PDE1C: variants seen among roughly 807,000 people sequenced by gnomAD.
PDE1C encodes the protein dual specificity calcium/calmodulin-dependent 3',5'-cyclic nucleotide phosphodiesterase 1C.
PDE1C carries 62 observed loss-of-function variants against 93.1 expected under a neutral mutation model. That is an observed-to-expected ratio of 0.67 (90% CI 0.54 to 0.82). PDE1C has a LOEUF of 0.82. PDE1C is among the 40% of genes least tolerant of loss of function. The probability of loss-of-function intolerance (pLI) is 0.00; values close to 1 mark genes in which losing one functional copy is unlikely to be tolerated. For missense variants in PDE1C, 742 were observed against 884.6 expected (o/e 0.84, Z 2.04); for synonymous variants, 325 against 310.1 (o/e 1.05, Z -0.50).
rs145662874 is a variant in PDE1C at position 31,957,754 on chromosome 7, C to T, written c.129-76894G>A. On this transcript the variant is annotated intron_variant, in intron 2 of 17. Transcript: ENST00000396191. Reference sequence around the variant, plus strand: ...CTCAGCAATTTCTTTCCAGATGTGGCGTTGGTATTGCTGGGTGGAATGGGG... The same window carrying T: ...CTCAGCAATTTCTTTCCAGATGTGGTGTTGGTATTGCTGGGTGGAATGGGG... 9.9e-5 allele frequency among the ~76,000 whole-genome samples: 15 copies of T among 152,154 alleles called. No homozygotes were observed. The East Asian group carries it at 2.7e-3, about 27-fold the overall frequency.
At chr7:32,038,904 A>G (rs556990606) in intron 2 of PDE1C, among the ~76,000 whole-genome samples, 2 of 152,318 alleles carry the variant, frequency 1.3e-5, no homozygotes, top group Admixed American at 6.5e-5. Context: ...TCAGAATCTC[A>G]TCTGTCAGAT....
At chr7:31,699,992 G>A in the PDE1C span, among the ~76,000 whole-genome samples, 2 of 151,918 alleles carry the variant, frequency 1.3e-5, no homozygotes, top group African/African-American at 2.4e-5. Flanking sequence ...CCTATTCCAC[G>A]AGACACAAAG....
At chr7:31,654,573 C>A in the PDE1C span, among the ~76,000 whole-genome samples, 1 of 152,146 alleles carries the variant, frequency 6.6e-6, no homozygotes, top group Admixed American at 6.5e-5. Flanking sequence ...CTGTTGCTGT[C>A]ATCCCCAAGG....
At chr7:31,846,233 C>CTTTTTTTTTT (rs371624212) in intron 9 of PDE1C, among the ~76,000 whole-genome samples, 42 of 129,910 alleles carry the variant, frequency 3.2e-4, no homozygotes, top group Non-Finnish European at 4.6e-4. Flanking sequence ...CTTTTTTTTT[C>CTTTTTTTTTT]TTTTTTTTTT....
At chr7:32,103,427 C>T (rs1007821510) in intron 3 of PDE1C, among the ~76,000 whole-genome samples, 6 of 152,116 alleles carry the variant, frequency 3.9e-5, no homozygotes, top group Admixed American at 3.9e-4. Flanking sequence ...TTCCTATCCC[C>T]GTGATGCTGG....
At chr7:32,009,179 T>A (rs1288669133) in intron 2 of PDE1C, among the ~76,000 whole-genome samples, 1 of 152,170 alleles carries the variant, frequency 6.6e-6, no homozygotes, top group African/African-American at 2.4e-5. Context: ...ATTGGAGATA[T>A]GCGAAACAAA....
chr7:31,695,459 T>C, the PDE1C span: 1 of 1,591,746 alleles, frequency 6.3e-7, no homozygotes, highest in African/African-American at 1.4e-5. Context: ...TTGTATCCTG[T>C]CAAAATTAGA....
chr7:32,165,099 T>C (rs917006172), intron 3 of PDE1C, among the ~76,000 whole-genome samples: 3 of 152,222 alleles, frequency 2.0e-5, no homozygotes, highest in African/African-American at 7.2e-5. Flanking sequence ...AAACAGACCT[T>C]TCATGCCACA....
intron 1 of PDE1C, among the ~76,000 whole-genome samples, chr7:32,057,878 T>A (rs1234894655): frequency 6.6e-6 from 1 of 152,218 alleles, no homozygotes; most frequent in Non-Finnish European, 1.5e-5. Flanking sequence ...TTGTTTCTAA[T>A]AGCCTGGATA....
At chr7:31,696,960 T>A in the PDE1C span, 1 of 1,613,916 alleles carries the variant, frequency 6.2e-7, no homozygotes, top group Non-Finnish European at 8.5e-7. Flanking sequence ...CCCCTAACCA[T>A]GCAGGTGTGT....
chr7:32,067,412 A>G (rs1211483637), intron 1 of PDE1C, among the ~76,000 whole-genome samples: 2 of 152,210 alleles, frequency 1.3e-5, no homozygotes, highest in Admixed American at 6.5e-5. Context: ...TAAACTATAC[A>G]GCATTCGGAT....
At chr7:31,638,690 G>C in the PDE1C span, among the ~76,000 whole-genome samples, 1 of 151,994 alleles carries the variant, frequency 6.6e-6, no homozygotes, top group Non-Finnish European at 1.5e-5. Flanking sequence ...TTGTTAACTC[G>C]ATATGTAATG....
At chr7:31,640,752 T>G in the PDE1C span, among the ~76,000 whole-genome samples, 2,531 of 152,264 alleles carry the variant, frequency 0.017, 24 homozygotes, top group Non-Finnish European at 0.029. Flanking sequence ...CTCATTTAGA[T>G]CTATGACTTG....
intron 3 of PDE1C, among the ~76,000 whole-genome samples, chr7:32,089,367 A>G (rs566863975): frequency 1.0e-3 from 157 of 152,282 alleles, no homozygotes; most frequent in Non-Finnish European, 1.7e-3. Flanking sequence ...GGGGCCTCTC[A>G]GAAGTAGGTA....
At chr7:31,830,715 G>C (rs541070388) in intron 11 of PDE1C, among the ~76,000 whole-genome samples, 21 of 151,992 alleles carry the variant, frequency 1.4e-4, no homozygotes, top group Non-Finnish European at 3.1e-4. Flanking sequence ...CTCAATAACA[G>C]AACGAGAGAA....
chr7:31,636,479 C>A, the PDE1C span, among the ~76,000 whole-genome samples: 3 of 152,138 alleles, frequency 2.0e-5, no homozygotes, highest in African/African-American at 7.2e-5. Flanking sequence ...GTTTGTTGTA[C>A]AAGTCTTGCA....
chr7:31,708,886 A>C, the PDE1C span, among the ~76,000 whole-genome samples: 1 of 152,124 alleles, frequency 6.6e-6, no homozygotes, highest in African/African-American at 2.4e-5. Flanking sequence ...CCAGCACTCC[A>C]TGCTCTGCTC....
intron 1 of PDE1C, among the ~76,000 whole-genome samples, chr7:32,263,585 C>T (rs945454792): frequency 6.6e-6 from 1 of 152,160 alleles, no homozygotes; most frequent in Admixed American, 6.5e-5. Context: ...GTTTTGTCAA[C>T]TGATCTAATA....
intron 1 of PDE1C, among the ~76,000 whole-genome samples, chr7:32,376,584 T>C (rs73093921): frequency 0.051 from 7,835 of 152,320 alleles, 312 homozygotes; most frequent in South Asian, 0.22. Context: ...AGGCCATCTC[T>C]TTTCCATGGG....
Sources: allele counts gnomAD v4.1 joint callset (sites outside exome capture counted in the v4.1 genomes callset), GRCh38; gene constraint gnomAD v4.1.1; transcripts MANE v1.5; gene names NCBI Gene and HGNC (gene_info 2026-07-23, HGNC 2026-07-21).